The following HK1 variants were observed in gnomAD, a reference collection of about 807,000 sequenced individuals.
HK1 encodes the protein hexokinase-1.
Under a neutral mutation model 91.6 loss-of-function variants are expected in HK1, and 28 were observed. The observed-to-expected ratio is 0.31, with a 90% CI of 0.23 to 0.42. The LOEUF (loss-of-function observed/expected upper bound fraction) is 0.42. Ranked by LOEUF, HK1 falls within the 10% of genes least tolerant of loss-of-function variation. HK1 has a pLI of 1.00. For missense variants in HK1, 770 were observed against 1,219.8 expected (o/e 0.63, Z 5.49); for synonymous variants, 430 against 468.1 (o/e 0.92, Z 1.05).
intron 3 of HK1, among the ~76,000 whole-genome samples, chr10:69,363,178 T>C (rs887552619): frequency 2.0e-5 from 3 of 152,162 alleles, no homozygotes; most frequent in Admixed American, 2.0e-4. Flanking sequence ...TCCATGGCTG[T>C]GTCACTGCCA....
chr10:69,401,270 C>CTAATGGTATA lies in HK1; in HGVS notation c.*138_*147dup. 1 of 913,594 alleles carries CTAATGGTATA rather than the reference C, an allele frequency of 1.1e-6. No homozygotes were observed. The highest frequency in any genetic ancestry group is 1.7e-6 in the Non-Finnish European group (1 of 582,872). 56.6% of individuals were successfully genotyped at this position (913,594 alleles called of 1,614,324 possible). ...GCGCGGGGAGGAAAGCAAAATCCAA[C>CTAATGGTATA]TAATGGTATATATTGTAGGGTACAG... On this transcript the variant is annotated 3_prime_UTR_variant, in exon 18 of 18. Transcript: ENST00000359426.
At chr10:69,379,762 TGG>T (rs1224074007) in intron 8 of HK1, 98 bp from the exon 9 acceptor site, 1 of 860,418 alleles carries the variant, frequency 1.2e-6, no homozygotes, top group East Asian at 2.4e-5. Context: ...ATCCCACACA[TGG>T]TAAGTGGGGC....
chr10:69,392,096 G>T lies in HK1; in HGVS notation c.2036-29G>T, dbSNP rs778797350. On this transcript the variant is annotated intron_variant, in intron 14 of 17. Transcript: ENST00000359426. Reference sequence around the variant, plus strand: ...CAAGACCCCCAAATGCAAGGCCACCGCTCCTCATTGCCCCCTCGTGTGTTC... The same window carrying T: ...CAAGACCCCCAAATGCAAGGCCACCTCTCCTCATTGCCCCCTCGTGTGTTC... 2 of 1,613,566 alleles carry T rather than the reference G, an allele frequency of 1.2e-6. No individual in the cohort carries two copies. The highest frequency in any genetic ancestry group is 3.3e-5 in the Admixed American group (2 of 60,016).
At chr10:69,321,254 G>C (rs982562835) in intron 1 of HK1, among the ~76,000 whole-genome samples, 13 of 152,214 alleles carry the variant, frequency 8.5e-5, no homozygotes, top group African/African-American at 2.9e-4. Context: ...ACTCCAGCCT[G>C]GGCCTTCTAA....
chr10:69,327,126 T>A (rs921298327), intron 1 of HK1, among the ~76,000 whole-genome samples: 1 of 148,328 alleles, frequency 6.7e-6, no homozygotes, highest in Non-Finnish European at 1.5e-5. Flanking sequence ...TGCCTCAGCC[T>A]CCTGAGTAGC....
intron 3 of HK1, among the ~76,000 whole-genome samples, chr10:69,289,460 A>ATT (rs1564755510): frequency 0.061 from 5,575 of 91,602 alleles, 425 homozygotes; most frequent in Non-Finnish European, 0.079. Context: ...TAAAAAAAAA[A>ATT]ATTTTTTTTT....
chr10:69,330,997 G>A (rs374353875), intron 1 of HK1, among the ~76,000 whole-genome samples: 3 of 151,272 alleles, frequency 2.0e-5, no homozygotes, highest in Admixed American at 6.6e-5. Flanking sequence ...CTCCCACCTC[G>A]GTCTCCTGAG....
In HK1 at chr10:69,377,081, C is replaced by T. The variant is rs1839152452; in HGVS notation, c.1023C>T (p.Ala341=). 1 of 1,614,110 alleles carries T rather than the reference C, an allele frequency of 6.2e-7. No homozygotes were observed. The highest frequency in any genetic ancestry group is 8.5e-7 in the Non-Finnish European group (1 of 1,180,008). ...RGKFNTSDVS[A]IEKNKEGLHN... is the part of the protein sequence containing the mutation. The stretch of plus-strand genomic sequence containing the variant: ...AGTTTAACACCAGTGATGTGTCAGC[C>T]ATCGAAAAGTAGGTACCATCCCCTC... Residue 341 remains alanine, a synonymous_variant, in exon 8 of 18, where the codon GCC becomes GCT. Coordinates refer to ENST00000359426, the MANE Select transcript of HK1 (RefSeq NM_000188.3).
chr10:69,385,850 C>T (rs1045276858), intron 12 of HK1, among the ~76,000 whole-genome samples: 3 of 152,242 alleles, frequency 2.0e-5, no homozygotes, highest in African/African-American at 7.2e-5. Context: ...AGTCAACACA[C>T]ACCCAGTGTA....
intron 5 of HK1, among the ~76,000 whole-genome samples, chr10:69,309,940 C>G (rs570371475): frequency 2.1e-4 from 32 of 151,010 alleles, no homozygotes; most frequent in Non-Finnish European, 3.7e-4. Context: ...ATCCCAGCTA[C>G]TTGGGAGGCT....
chr10:69,372,960 C>T (rs1850093658), intron 7 of HK1, among the ~76,000 whole-genome samples: 1 of 152,140 alleles, frequency 6.6e-6, no homozygotes. Context: ...CCTTTGCCTC[C>T]CAGGTTCTAC....
chr10:69,382,349 TG>T, intron 9 of HK1, 137 bp from the exon 10 acceptor site: 1 of 908,392 alleles, frequency 1.1e-6, no homozygotes, highest in Non-Finnish European at 1.8e-6. Context: ...CACTCCAGCC[TG>T]GGTGACAGAG....
intron 3 of HK1, among the ~76,000 whole-genome samples, chr10:69,294,981 A>T (rs539512461): frequency 6.7e-6 from 1 of 148,192 alleles, no homozygotes; most frequent in East Asian, 2.0e-4. Context: ...GTGAGCCTTA[A>T]TCATGCCACC....
Position 69,401,216 on chromosome 10 carries a change from C to T in HK1, c.*81C>T. 2.6e-6 allele frequency: 4 copies of T among 1,511,202 alleles called. No individual in the cohort carries two copies. The highest frequency in any genetic ancestry group is 3.6e-6 in the Non-Finnish European group (4 of 1,117,628). The allele number at this position is 1,511,202 out of a possible 1,614,324, so 93.6% of individuals were successfully genotyped here. A position where few individuals can be genotyped will look rare whatever the true frequency, so the allele number is the denominator to read the frequency against. Reference sequence around the variant, plus strand: ...CCCCCTACCCTCCCAGCGAGTTGCGCTGGGAGACGCTGGCGCCAGGGCCTG... The same window carrying T: ...CCCCCTACCCTCCCAGCGAGTTGCGTTGGGAGACGCTGGCGCCAGGGCCTG... On this transcript the variant is annotated 3_prime_UTR_variant, in exon 18 of 18. Transcript: ENST00000359426.
chr10:69,345,999 A>G (rs965456993), intron 2 of HK1, among the ~76,000 whole-genome samples: 2 of 152,240 alleles, frequency 1.3e-5, no homozygotes, highest in South Asian at 4.2e-4. Flanking sequence ...TTCGCTTGCA[A>G]TGGTCCCTAC....
At position 69,384,920 on chromosome 10, in the gene HK1, GTC is replaced by G. The variant is rs779950954; in HGVS notation, c.1839+9_1839+10del. The G allele has an allele frequency of 6.2e-7, 1 of 1,614,162 alleles. No homozygotes were observed. Among genetic ancestry groups the G allele is most frequent in the Non-Finnish European group, 8.5e-7 (1 of 1,180,014 alleles). Reference sequence around the variant, plus strand: ...CAGCAGACGAGTCTGGACGCGGTGAGTCTCTGTTCTTAGGGCTCAGTGATCGG... The same window carrying G: ...CAGCAGACGAGTCTGGACGCGGTGAGTCTGTTCTTAGGGCTCAGTGATCGG... On this transcript the variant is annotated splice_donor_region_variant and intron_variant, in intron 12 of 17. Coordinates refer to ENST00000359426, the MANE Select transcript of HK1 (RefSeq NM_000188.3).
Position 69,298,742 on chromosome 10 carries a change from T to C in HK1, c.-66-2027T>C, listed in dbSNP as rs915292816. Among the ~76,000 whole-genome samples, 2 of 151,856 alleles carry C rather than the reference T, an allele frequency of 1.3e-5. 1 individual carries two copies. The highest frequency in any genetic ancestry group is 4.9e-5 in the African/African-American group (2 of 41,126). ...CAGACTATTCAGCTACATCATGGGG[T>C]TGAAAGAAGATAAAGATCTTATTAG... On this transcript the variant is annotated intron_variant, in intron 4 of 21. Transcript: ENST00000360289.
At position 69,325,459 on chromosome 10, in the gene HK1, G is replaced by A. The variant is rs146238378; in HGVS notation, c.63+6449G>A. On this transcript the variant is annotated intron_variant, in intron 1 of 17. Coordinates refer to ENST00000359426, the MANE Select transcript of HK1 (RefSeq NM_000188.3). ...TGCAACCTCTGTCTCCTGGGTTCAA[G>A]CGATTCTCCTGCCTCAGCCTCCTGA... Among the ~76,000 whole-genome samples the A allele has an allele frequency of 3.6e-3, 548 of 151,722 alleles. 2 individuals are homozygous for A. The highest frequency in any genetic ancestry group is 6.8e-3 in the Middle Eastern group (2 of 292).
intron 2 of HK1, among the ~76,000 whole-genome samples, chr10:69,286,822 A>G (rs1218967067): frequency 1.3e-5 from 2 of 152,174 alleles, no homozygotes; most frequent in Non-Finnish European, 2.9e-5. Context: ...TGCTGGGATT[A>G]CAGGCATGGG....
Sources: allele counts gnomAD v4.1 joint callset (sites outside exome capture counted in the v4.1 genomes callset), GRCh38; gene constraint gnomAD v4.1.1; transcripts MANE v1.5; gene names NCBI Gene and HGNC (gene_info 2026-07-23, HGNC 2026-07-21).